C12orf54: variants seen among roughly 807,000 people sequenced by gnomAD.
C12orf54 encodes chromosome 12 open reading frame 54, also known as uncharacterized protein C12orf54.
Under a neutral mutation model 26.4 loss-of-function variants are expected in C12orf54, and 24 were observed. That is an observed-to-expected ratio of 0.91 (90% CI 0.66 to 1.28). C12orf54 has a LOEUF of 1.28. C12orf54 is among the 50% of genes most tolerant of loss of function. The pLI, the probability that C12orf54 is intolerant of heterozygous loss-of-function variation, is 0.00. For missense variants in C12orf54, 154 were observed against 150.9 expected (o/e 1.02, Z -0.11); for synonymous variants, 54 against 47.0 (o/e 1.15, Z -0.61).
intron 1 of C12orf54, among the ~76,000 whole-genome samples, chr12:48,483,034 C>T (rs1954215483): frequency 6.6e-6 from 1 of 152,018 alleles, no homozygotes; most frequent in Non-Finnish European, 1.5e-5. Flanking sequence ...TCCTCTTACC[C>T]TCCTCTTACC....
chr12:48,473,657 T>A, the C12orf54 span: 1 of 258,326 alleles, frequency 3.9e-6, no homozygotes, highest in Non-Finnish European at 7.6e-6. Context: ...TGTGTCCAGT[T>A]TTTGTCCCTG....
At chr12:48,472,120 T>A in the C12orf54 span, among the ~76,000 whole-genome samples, 3 of 152,322 alleles carry the variant, frequency 2.0e-5, no homozygotes, top group East Asian at 5.8e-4. Flanking sequence ...TAAATGGGGT[T>A]GTGTTCTTGA....
chr12:48,432,766 G>A, the C12orf54 span, among the ~76,000 whole-genome samples: 22 of 152,172 alleles, frequency 1.4e-4, no homozygotes, highest in African/African-American at 5.3e-4. Flanking sequence ...CTACTGGGGA[G>A]CCTGAGGCAG....
chr12:48,476,817 G>C, the C12orf54 span, among the ~76,000 whole-genome samples: 1 of 152,164 alleles, frequency 6.6e-6, no homozygotes, highest in Admixed American at 6.6e-5. Context: ...ACACCCCACT[G>C]TCAACATTAG....
the C12orf54 span, among the ~76,000 whole-genome samples, chr12:48,468,630 C>A: frequency 1.3e-5 from 2 of 152,076 alleles, no homozygotes; most frequent in Non-Finnish European, 2.9e-5. Context: ...TAATATCAGA[C>A]AAAGCAGTCA....
chr12:48,468,912 G>A, the C12orf54 span, among the ~76,000 whole-genome samples: 1 of 152,120 alleles, frequency 6.6e-6, no homozygotes, highest in Admixed American at 6.5e-5. Context: ...TCACATGTCG[G>A]CAGGTTCCAT....
At chr12:48,486,402 A>C (rs1040520239) in intron 3 of C12orf54, 194 bp downstream of exon 3, 2 of 634,724 alleles carry the variant, frequency 3.2e-6, no homozygotes, top group African/African-American at 3.7e-5. Flanking sequence ...ACTTCACCAG[A>C]TGACTAAAGG....
At chr12:48,469,858 A>G in the C12orf54 span, among the ~76,000 whole-genome samples, 6 of 151,924 alleles carry the variant, frequency 3.9e-5, no homozygotes, top group Admixed American at 6.6e-5. Context: ...GTCTCTTCCC[A>G]CTCTAGTTGT....
chr12:48,429,881 A>T, the C12orf54 span, among the ~76,000 whole-genome samples: 1 of 152,180 alleles, frequency 6.6e-6, no homozygotes, highest in Non-Finnish European at 1.5e-5. Flanking sequence ...AAAAGAACAA[A>T]TCTGGAGGCA....
chr12:48,456,655 G>T, the C12orf54 span, among the ~76,000 whole-genome samples: 1 of 152,146 alleles, frequency 6.6e-6, no homozygotes, highest in South Asian at 2.1e-4. Flanking sequence ...TCCATGTTAG[G>T]TTGGTTGTGA....
the C12orf54 span, among the ~76,000 whole-genome samples, chr12:48,418,623 C>G: frequency 6.6e-6 from 1 of 151,972 alleles, no homozygotes; most frequent in Non-Finnish European, 1.5e-5. Flanking sequence ...CTTGGGAACA[C>G]CAAATCATAT....
the C12orf54 span, among the ~76,000 whole-genome samples, chr12:48,451,180 T>C: frequency 2.2e-4 from 33 of 152,052 alleles, no homozygotes; most frequent in Non-Finnish European, 3.8e-4. Context: ...TGGTTCAACA[T>C]ACACAAATCA....
chr12:48,423,742 TCTA>T, the C12orf54 span, among the ~76,000 whole-genome samples: 2 of 152,072 alleles, frequency 1.3e-5, no homozygotes, highest in Non-Finnish European at 2.9e-5. Flanking sequence ...ACTGACTAGT[TCTA>T]CTAACATTTG....
chr12:48,466,176 T>G, the C12orf54 span, among the ~76,000 whole-genome samples: 1 of 152,166 alleles, frequency 6.6e-6, no homozygotes, highest in Admixed American at 6.5e-5. Flanking sequence ...CACCCAAAAC[T>G]TAATCTATTA....
the C12orf54 span, among the ~76,000 whole-genome samples, chr12:48,468,842 G>A: frequency 6.6e-6 from 1 of 152,002 alleles, no homozygotes; most frequent in African/African-American, 2.4e-5. Context: ...GCCTGTCTGA[G>A]AAATAAAGAG....
At chr12:48,486,783 T>C (rs1288344686) in intron 4 of C12orf54, 57 bp downstream of exon 4, 1 of 1,522,876 alleles carries the variant, frequency 6.6e-7, no homozygotes, top group East Asian at 2.3e-5. Flanking sequence ...GTGGGGGAAG[T>C]CTTCAGGAAG....
chr12:48,468,343 C>A, the C12orf54 span, among the ~76,000 whole-genome samples: 4 of 152,078 alleles, frequency 2.6e-5, no homozygotes, highest in Admixed American at 6.5e-5. Flanking sequence ...GTGACTAAAG[C>A]AGAATGGACA....
the C12orf54 span, among the ~76,000 whole-genome samples, chr12:48,451,162 T>A: frequency 6.6e-6 from 1 of 152,198 alleles, no homozygotes; most frequent in East Asian, 1.9e-4. Flanking sequence ...ATCCCTGACA[T>A]GCAAGTTTGG....
the C12orf54 span, among the ~76,000 whole-genome samples, chr12:48,456,935 G>A: frequency 6.6e-6 from 1 of 151,890 alleles, no homozygotes; most frequent in Non-Finnish European, 1.5e-5. Flanking sequence ...CCATTATGAG[G>A]ACCAGTCTGC....
Sources: gnomAD v4.1 joint callset for allele counts (sites outside exome capture counted in the v4.1 genomes callset) on GRCh38, gnomAD v4.1.1 for gene constraint, MANE v1.5 for transcripts, NCBI Gene and HGNC (gene_info 2026-07-23, HGNC 2026-07-21) for gene names.